The following LIN7A variants were observed in gnomAD, a reference collection of about 807,000 sequenced individuals.
LIN7A encodes lin-7 cell polarity scaffold A.
LIN7A carries 25 observed loss-of-function variants against 29.8 expected under a neutral mutation model. The ratio of observed to expected loss-of-function variants is 0.84; its 90% CI spans 0.61 to 1.17. LIN7A has a LOEUF of 1.17. Ranked by LOEUF, LIN7A falls within the 50% of genes most tolerant of loss-of-function variation. The pLI, the probability that LIN7A is intolerant of heterozygous loss-of-function variation, is 0.00. For missense variants in LIN7A, 239 were observed against 287.0 expected, an observed-to-expected ratio of 0.83 and a Z score of 1.21; for synonymous variants, 118 against 107.5, an observed-to-expected ratio of 1.10 and a Z score of -0.60.
chr12:80,863,947 C>G (rs138580093), intron 2 of LIN7A, among the ~76,000 whole-genome samples: 3 of 151,978 alleles, frequency 2.0e-5, no homozygotes, highest in Non-Finnish European at 2.9e-5. Flanking sequence ...GAAAAGGCAG[C>G]ACCAAATATT....
intron 2 of LIN7A, chr12:80,861,289 G>A (rs145559754): frequency 0.01 from 1,559 of 151,488 alleles, 26 homozygotes; most frequent in South Asian, 0.082. Context: ...AGTTTCAGTC[G>A]TCCTTCCCTG....
chr12:80,878,249 T>A (rs116807634), intron 2 of LIN7A, among the ~76,000 whole-genome samples: 2,596 of 152,300 alleles, frequency 0.017, 81 homozygotes, highest in African/African-American at 0.06. Context: ...AAGTGACAAG[T>A]TGATGTTACA....
chr12:80,889,494 C>A (rs1343381414), intron 1 of LIN7A, 125 bp from the exon 2 acceptor site: 1 of 631,082 alleles, frequency 1.6e-6, no homozygotes, highest in Non-Finnish European at 2.8e-6. Flanking sequence ...ATAATCAGAA[C>A]TTATATTCAT....
At chr12:80,896,929 A>G (rs763498313) in intron 1 of LIN7A, among the ~76,000 whole-genome samples, 4 of 152,206 alleles carry the variant, frequency 2.6e-5, no homozygotes, top group South Asian at 4.1e-4. Flanking sequence ...TTTGAAATTG[A>G]TTACCTACCC....
At position 80,842,596 on chromosome 12, in the gene LIN7A, C is replaced by T. The variant is rs2121546638; in HGVS notation, c.483+3134G>A. ...AAAATATAAATCATTCAATCATTTG[C>T]TAATCTTTTCTTTTTTGGCCTTTCC... is the stretch of plus-strand genomic sequence containing the variant. On this transcript the variant is annotated intron_variant, in intron 4 of 5. Coordinates refer to ENST00000552864, the MANE Select transcript of LIN7A (RefSeq NM_004664.4). 1.3e-5 allele frequency among the ~76,000 whole-genome samples: 2 copies of T among 151,176 alleles called. 1 individual carries two copies. Among genetic ancestry groups the T allele is most frequent in the Middle Eastern group, 6.8e-3 (2 of 294 alleles).
intron 1 of LIN7A, among the ~76,000 whole-genome samples, chr12:80,915,365 A>C (rs950761413): frequency 5.3e-5 from 8 of 152,114 alleles, no homozygotes. Context: ...AGTCAAAAAA[A>C]TAACAGACAT....
At chr12:80,852,047 G>A (rs1183525484) in intron 2 of LIN7A, among the ~76,000 whole-genome samples, 1 of 152,032 alleles carries the variant, frequency 6.6e-6, no homozygotes, top group Non-Finnish European at 1.5e-5. Context: ...AATGTATTAG[G>A]CATCTGGGCT....
intron 4 of LIN7A, among the ~76,000 whole-genome samples, chr12:80,844,137 G>T (rs1445105367): frequency 6.6e-6 from 1 of 152,068 alleles, no homozygotes; most frequent in Non-Finnish European, 1.5e-5. Context: ...AAGCCTCTAT[G>T]TGACGCAATT....
intron 4 of LIN7A, among the ~76,000 whole-genome samples, chr12:80,831,044 A>T (rs372519728): frequency 7.6e-4 from 115 of 152,288 alleles, no homozygotes; most frequent in African/African-American, 2.7e-3. Flanking sequence ...CTTATCTGCC[A>T]TACTAGAATG....
chr12:80,871,442 A>G (rs1200371597), intron 2 of LIN7A, among the ~76,000 whole-genome samples: 1 of 152,154 alleles, frequency 6.6e-6, no homozygotes, highest in Non-Finnish European at 1.5e-5. Context: ...TTATATTGCA[A>G]CTGCTTTTAA....
At chr12:80,829,621 C>T (rs2400839) in intron 4 of LIN7A, among the ~76,000 whole-genome samples, 116,713 of 152,064 alleles carry the variant, frequency 0.77, 44,869 homozygotes, top group South Asian at 0.87. Flanking sequence ...AACAAACTTG[C>T]AGTGATCTCA....
intron 2 of LIN7A, among the ~76,000 whole-genome samples, 194 bp downstream of exon 2, chr12:80,889,057 T>C (rs1875486048): frequency 1.3e-5 from 2 of 152,128 alleles, no homozygotes; most frequent in South Asian, 2.1e-4. Flanking sequence ...TTTGGTTTTA[T>C]ATGAATGTAT....
At chr12:80,906,767 G>T (rs1876497160) in intron 1 of LIN7A, among the ~76,000 whole-genome samples, 1 of 151,986 alleles carries the variant, frequency 6.6e-6, no homozygotes, top group African/African-American at 2.4e-5. Context: ...AAACCCCAAC[G>T]ACATGCAATG....
At chr12:80,797,873 T>C (rs1256996296) in intron 5 of LIN7A, 147 bp from the exon 6 acceptor site, 1 of 152,338 alleles carries the variant, frequency 6.6e-6, no homozygotes, top group African/African-American at 2.4e-5. Context: ...CTTCTACATA[T>C]GAAAAAATTC....
At chr12:80,895,397 G>T (rs1334358982) in intron 1 of LIN7A, among the ~76,000 whole-genome samples, 1 of 152,122 alleles carries the variant, frequency 6.6e-6, no homozygotes, top group African/African-American at 2.4e-5. Context: ...TCATGAACTC[G>T]ATTGACATTT....
intron 2 of LIN7A, among the ~76,000 whole-genome samples, chr12:80,855,825 G>A (rs1873566465): frequency 6.6e-6 from 1 of 152,094 alleles, no homozygotes; most frequent in Admixed American, 6.6e-5. Flanking sequence ...GCTTGTTTTA[G>A]GAAGTTTTGT....
At chr12:80,810,173 T>C (rs1174941648) in intron 5 of LIN7A, among the ~76,000 whole-genome samples, 1 of 152,166 alleles carries the variant, frequency 6.6e-6, no homozygotes, top group African/African-American at 2.4e-5. Context: ...CTTTTCTCTG[T>C]CTACCCTCCT....
chr12:80,937,731 G>C lies in LIN7A; in HGVS notation c.-9C>G. ...ACGCTCGGCTTCAGCATCAGCAACC[G>C]CTCGTAGTGAGAAAAAAAGGAGGAG... On this transcript the variant is annotated 5_prime_UTR_variant, in exon 1 of 6. Coordinates refer to ENST00000552864, the MANE Select transcript of LIN7A (RefSeq NM_004664.4). The C allele has an allele frequency of 1.4e-6, 2 of 1,428,862 alleles. No individual in the cohort carries two copies. The highest frequency in any genetic ancestry group is 1.9e-6 in the Non-Finnish European group (2 of 1,070,014). The allele number at this position is 1,428,862 out of a possible 1,614,324, so 88.5% of individuals were successfully genotyped here. A position where few individuals can be genotyped will look rare whatever the true frequency, so the allele number is the denominator to read the frequency against.
intron 2 of LIN7A, among the ~76,000 whole-genome samples, chr12:80,850,997 C>T (rs1190041597): frequency 1.3e-5 from 2 of 152,126 alleles, no homozygotes; most frequent in Admixed American, 1.3e-4. Context: ...TACCGATGAC[C>T]ACACAGCTAA....
Sources: allele counts gnomAD v4.1 joint callset (sites outside exome capture counted in the v4.1 genomes callset), GRCh38; gene constraint gnomAD v4.1.1; transcripts MANE v1.5; gene names NCBI Gene and HGNC (gene_info 2026-07-23, HGNC 2026-07-21).